The following SLC38A8 variants were observed in gnomAD, a reference collection of about 807,000 sequenced individuals.
SLC38A8 encodes solute carrier family 38 member 8.
SLC38A8 carries 65 observed loss-of-function variants against 46.0 expected under a neutral mutation model. The observed-to-expected ratio is 1.41, with a 90% CI of 1.16 to 1.74. SLC38A8 has a LOEUF of 1.74. SLC38A8 is among the 40% of genes most tolerant of loss of function. The pLI, the probability that SLC38A8 is intolerant of heterozygous loss-of-function variation, is 0.00. For missense variants in SLC38A8, 998 were observed against 567.9 expected (o/e 1.76, Z -7.70); for synonymous variants, 447 against 243.7 (o/e 1.83, Z -7.77).
chr16:84,038,963 T>A (rs1211100638), intron 2 of SLC38A8, among the ~76,000 whole-genome samples: 1 of 152,234 alleles, frequency 6.6e-6, no homozygotes, highest in Non-Finnish European at 1.5e-5. Context: ...AAACAGTTTT[T>A]GCAGATGTCC....
intron 7 of SLC38A8, among the ~76,000 whole-genome samples, chr16:84,018,864 T>C (rs951152437): frequency 1.3e-5 from 2 of 151,972 alleles, no homozygotes; most frequent in African/African-American, 4.8e-5. Flanking sequence ...CACTAGGAGA[T>C]ATATGGGGTG....
chr16:84,016,525 A>C lies in SLC38A8; in HGVS notation c.1156T>G (p.Phe386Val). 1 of 1,613,646 alleles carries C rather than the reference A, an allele frequency of 6.2e-7. No homozygotes were observed. Among genetic ancestry groups the C allele is most frequent in the Non-Finnish European group, 8.5e-7 (1 of 1,179,676 alleles). The part of the protein sequence containing the change: ...GGISSFFIFI[F>V]PGLCLICAMG... The stretch of plus-strand genomic sequence containing the variant: ...TGGAAAGCAGGGGCCTCACCTGGGA[A>C]GATGAAGATGAAGAAGGAACTGATG... The change falls in exon 9 of 11, where the codon TTC becomes GTC. Residue 386 changes from phenylalanine (F) to valine (V), a missense_variant. By Grantham distance (50) the Phe-to-Val change is conservative. Coordinates refer to ENST00000299709, the MANE Select transcript of SLC38A8 (RefSeq NM_001080442.3).
upstream of SLC38A8, among the ~76,000 whole-genome samples, chr16:84,043,369 T>C (rs2085387943): frequency 1.3e-5 from 2 of 152,148 alleles, no homozygotes; most frequent in South Asian, 2.1e-4. Flanking sequence ...GAACCCAGGC[T>C]CCCTCTCACC....
At chr16:84,036,492 T>A (rs1233005005) in intron 3 of SLC38A8, among the ~76,000 whole-genome samples, 1 of 152,272 alleles carries the variant, frequency 6.6e-6, no homozygotes. Context: ...ACCTCTCTCA[T>A]GCACTTGTGT....
At chr16:84,022,124 A>G (rs67942717) in intron 7 of SLC38A8, among the ~76,000 whole-genome samples, 35,217 of 152,174 alleles carry the variant, frequency 0.23, 5,125 homozygotes, top group Non-Finnish European at 0.32. Context: ...AAGAGGATAA[A>G]TATTCAAACC....
chr16:84,031,511 C>A (rs2085237751), intron 5 of SLC38A8, among the ~76,000 whole-genome samples: 1 of 152,234 alleles, frequency 6.6e-6, no homozygotes, highest in South Asian at 2.1e-4. Flanking sequence ...CTTGGCCACA[C>A]CGGCCTCCTC....
intron 5 of SLC38A8, among the ~76,000 whole-genome samples, chr16:84,031,495 G>C (rs539316611): frequency 1.3e-5 from 2 of 152,240 alleles, no homozygotes; most frequent in Non-Finnish European, 2.9e-5. Flanking sequence ...CCCTTGTTCC[G>C]GCTGGCTTGG....
At chr16:84,020,687 C>T (rs947961833) in intron 7 of SLC38A8, among the ~76,000 whole-genome samples, 11 of 152,280 alleles carry the variant, frequency 7.2e-5, no homozygotes, top group African/African-American at 2.4e-4. Context: ...GTGGAGGCAC[C>T]CTGGGTCTGT....
At chr16:84,036,575 G>T (rs1597277814) in intron 3 of SLC38A8, 127 bp downstream of exon 3, 3 of 1,043,358 alleles carry the variant, frequency 2.9e-6, no homozygotes, top group East Asian at 5.2e-5. Flanking sequence ...GAACAAGAGT[G>T]TGGTTTCAGC....
At chr16:84,009,899 G>T (rs186556794) in intron 10 of SLC38A8, 22 bp from the exon 11 acceptor site, 10 of 1,604,576 alleles carry the variant, frequency 6.2e-6, no homozygotes, top group Non-Finnish European at 8.5e-6. Flanking sequence ...ATAAACCCAT[G>T]TCAGAGCTTT....
rs61432810 is a variant in SLC38A8 at position 84,029,614 on chromosome 16, G to C, written c.633-63C>G. 138,616 of 1,511,658 alleles carry C rather than the reference G, an allele frequency of 0.092. 7,046 individuals carry two copies. The highest frequency in any genetic ancestry group is 0.18 in the East Asian group (8,168 of 44,198). 93.6% of individuals were successfully genotyped at this position (1,511,658 alleles called of 1,614,324 possible). On this transcript the variant is annotated intron_variant, in intron 5 of 10. Transcript: ENST00000299709. ...GTCACACCCGGAACAACCTGCGGCT[G>C]CAATGGTGAATTTTAAAGGATGCTG...
chr16:84,014,577 G>A lies in SLC38A8; in HGVS notation c.1163-1525C>T, dbSNP rs112495879. On this transcript the variant is annotated intron_variant, in intron 9 of 10. Transcript: ENST00000299709. ...TCTAAAAGTTCCACCCAGAACCTGA[G>A]GGAGGAGCCACATGGCCACTCCCCT... 9.9e-5 allele frequency among the ~76,000 whole-genome samples: 15 copies of A among 151,976 alleles called. No homozygotes were observed. In the South Asian group the frequency reaches 3.1e-3, roughly 32 times the overall value.
At chr16:84,038,365 C>G (rs992205110) in intron 2 of SLC38A8, among the ~76,000 whole-genome samples, 1 of 152,060 alleles carries the variant, frequency 6.6e-6, no homozygotes, top group Non-Finnish European at 1.5e-5. Flanking sequence ...ACAGTGAACA[C>G]CCCTGTGGGC....
chr16:84,016,766 G>A (rs555081008), intron 8 of SLC38A8, 39 bp from the exon 9 acceptor site: 2 of 1,589,942 alleles, frequency 1.3e-6, no homozygotes, highest in Admixed American at 3.4e-5. Flanking sequence ...GGGCATCTCA[G>A]GGGCACCAGC....
rs77876966 is a variant in SLC38A8 at position 84,016,604 on chromosome 16, G to T, written c.1077C>A (p.Leu359=). ...PLTILWVTVT[L]AMALFMPDLS... is the part of the protein sequence containing the mutation. ...GGTCAGGCATAAACAGCGCCATGGC[G>T]AGCGTCACGGTGACCCACAGGATGG... is the stretch of plus-strand genomic sequence containing the variant. The change falls in exon 9 of 11, where the codon CTC becomes CTA. Residue 359 remains leucine (L), a synonymous_variant. Coordinates refer to ENST00000299709, the MANE Select transcript of SLC38A8 (RefSeq NM_001080442.3). 3 of 1,613,950 alleles carry T rather than the reference G, an allele frequency of 1.9e-6. No individual in the cohort carries two copies. Among genetic ancestry groups the T allele is most frequent in the South Asian group, 2.2e-5 (2 of 91,088 alleles).
At chr16:84,042,201 G>A (rs1185532271) in intron 1 of SLC38A8, 42 bp from the exon 2 acceptor site, 15 of 1,553,302 alleles carry the variant, frequency 9.7e-6, no homozygotes, top group African/African-American at 1.4e-5. Flanking sequence ...CAGTCTTCAC[G>A]CTTTCCTCCC....
chr16:84,016,487 T>G (rs778607822), intron 9 of SLC38A8, 32 bp downstream of exon 9: 22 of 1,606,584 alleles, frequency 1.4e-5, no homozygotes, highest in Non-Finnish European at 1.8e-5. Flanking sequence ...GAAGAACAAG[T>G]GGGCAGAAAG....
chr16:84,033,189 G>A, intron 4 of SLC38A8, 139 bp downstream of exon 4: 2 of 1,142,560 alleles, frequency 1.8e-6, no homozygotes, highest in Non-Finnish European at 2.5e-6. Context: ...CATTTTACTT[G>A]TATAATTTTT....
chr16:84,010,610 G>A lies in SLC38A8; in HGVS notation c.1215-733C>T, dbSNP rs554919997. Among the ~76,000 whole-genome samples, 37 of 152,194 alleles carry A rather than the reference G, an allele frequency of 2.4e-4. No individual in the cohort carries two copies. The East Asian group carries it at 2.9e-3, about 12-fold the overall frequency. On this transcript the variant is annotated intron_variant, in intron 10 of 10. Transcript: ENST00000299709. ...TAAAAATAAAAAATTAGCCAGGCAC[G>A]GTGGCAGGCACCTGTATTCCCAGCT... is the stretch of plus-strand genomic sequence containing the variant.
Sources: gnomAD v4.1 joint callset for allele counts (sites outside exome capture counted in the v4.1 genomes callset) on GRCh38, gnomAD v4.1.1 for gene constraint, MANE v1.5 for transcripts, NCBI Gene and HGNC (gene_info 2026-07-23, HGNC 2026-07-21) for gene names.